The following ADAMTSL1 variants were observed in gnomAD, a reference collection of about 807,000 sequenced individuals.
ADAMTSL1 encodes the protein ADAMTS like 1, also known as ADAMTS-like protein 1.
A neutral mutation model predicts 201.8 loss-of-function variants in ADAMTSL1; 126 were observed. That is an observed-to-expected ratio of 0.62 (90% confidence interval 0.54 to 0.72). ADAMTSL1 has a LOEUF of 0.72. Ranked by LOEUF, ADAMTSL1 falls within the 30% of genes least tolerant of loss-of-function variation. ADAMTSL1 has a pLI of 0.00. For missense variants in ADAMTSL1, 2,679 were observed against 2,277.8 expected (o/e 1.18, Z -3.59); for synonymous variants, 1,121 against 903.4 (o/e 1.24, Z -4.32).
chr9:18,580,489 G>A (rs1295884150), intron 4 of ADAMTSL1, among the ~76,000 whole-genome samples: 3 of 152,088 alleles, frequency 2.0e-5, no homozygotes, highest in Non-Finnish European at 4.4e-5. Flanking sequence ...CCACATGGAA[G>A]CATGGTTTTT....
intron 1 of ADAMTSL1, among the ~76,000 whole-genome samples, chr9:18,046,560 C>T (rs779996525): frequency 4.6e-5 from 7 of 152,066 alleles, no homozygotes; most frequent in Admixed American, 1.3e-4. Context: ...GACCATGTGT[C>T]CAGCTAAAAA....
intron 21 of ADAMTSL1, among the ~76,000 whole-genome samples, chr9:18,821,988 T>C (rs1326711894): frequency 6.6e-6 from 1 of 152,178 alleles, no homozygotes; most frequent in African/African-American, 2.4e-5. Flanking sequence ...CCACCCAGTA[T>C]GACTAAGCTC....
chr9:17,953,127 G>C (rs1827795231), intron 1 of ADAMTSL1, among the ~76,000 whole-genome samples: 1 of 151,616 alleles, frequency 6.6e-6, no homozygotes, highest in Admixed American at 6.6e-5. Context: ...AGAAAGCTTT[G>C]TCACATGACA....
intron 2 of ADAMTSL1, among the ~76,000 whole-genome samples, chr9:18,337,613 G>T (rs1026016655): frequency 6.6e-6 from 1 of 152,070 alleles, no homozygotes; most frequent in South Asian, 2.1e-4. Flanking sequence ...GGCAAAATCG[G>T]GAGTTAGACC....
intron 2 of ADAMTSL1, among the ~76,000 whole-genome samples, chr9:18,512,251 G>A (rs1456742120): frequency 4.6e-5 from 7 of 152,178 alleles, no homozygotes; most frequent in Admixed American, 1.3e-4. Context: ...ATTGTTCCAA[G>A]ATCTGATCTC....
chr9:18,030,456 A>T (rs144098401), intron 1 of ADAMTSL1, among the ~76,000 whole-genome samples: 1,729 of 152,242 alleles, frequency 0.011, 13 homozygotes, highest in Non-Finnish European at 0.018. Flanking sequence ...ATGTTAAATG[A>T]TGAGTTAATG....
At chr9:18,436,615 G>A (rs1365072896) in intron 2 of ADAMTSL1, among the ~76,000 whole-genome samples, 1 of 152,016 alleles carries the variant, frequency 6.6e-6, no homozygotes, top group Admixed American at 6.6e-5. Context: ...AACTGCCCTT[G>A]CCCAGGTCAC....
intron 2 of ADAMTSL1, among the ~76,000 whole-genome samples, chr9:18,458,222 C>T (rs1265994110): frequency 6.6e-6 from 1 of 151,906 alleles, no homozygotes; most frequent in African/African-American, 2.4e-5. Context: ...TTAGTGTGTC[C>T]CACTGGAAGA....
intron 2 of ADAMTSL1, among the ~76,000 whole-genome samples, chr9:18,283,133 G>T (rs1233848537): frequency 6.6e-6 from 1 of 151,874 alleles, no homozygotes. Flanking sequence ...TTGTTGTTAG[G>T]TGCATAAGTT....
At chr9:17,966,258 C>T (rs1263397869) in intron 1 of ADAMTSL1, among the ~76,000 whole-genome samples, 1 of 152,070 alleles carries the variant, frequency 6.6e-6, no homozygotes, top group Non-Finnish European at 1.5e-5. Context: ...ATAGTAAGTG[C>T]TATGTCAGAG....
chr9:18,815,327 A>C (rs961368571), intron 20 of ADAMTSL1, among the ~76,000 whole-genome samples: 4 of 152,038 alleles, frequency 2.6e-5, no homozygotes, highest in African/African-American at 9.7e-5. Flanking sequence ...CAACAGATGA[A>C]TGGATAAAGA....
At chr9:17,933,864 C>T (rs1192563916) in intron 1 of ADAMTSL1, among the ~76,000 whole-genome samples, 1 of 152,110 alleles carries the variant, frequency 6.6e-6, no homozygotes, top group Non-Finnish European at 1.5e-5. Context: ...ACAATTTGAC[C>T]AGAGATTTTG....
chr9:18,264,421 G>A (rs562130847), intron 2 of ADAMTSL1, among the ~76,000 whole-genome samples: 1 of 152,190 alleles, frequency 6.6e-6, no homozygotes, highest in Non-Finnish European at 1.5e-5. Context: ...TAAGCAACTT[G>A]ATACCACGTA....
chr9:18,049,239 T>C (rs1821812224), intron 1 of ADAMTSL1, among the ~76,000 whole-genome samples: 1 of 152,186 alleles, frequency 6.6e-6, no homozygotes, highest in Admixed American at 6.5e-5. Flanking sequence ...GACTCTGACA[T>C]ACCTTGTTGG....
chr9:18,894,843 G>A (rs923280887), intron 26 of ADAMTSL1, among the ~76,000 whole-genome samples: 2 of 152,114 alleles, frequency 1.3e-5, no homozygotes, highest in Admixed American at 6.6e-5. Flanking sequence ...TTAAGAAAAG[G>A]CACAGGACAG....
intron 16 of ADAMTSL1, among the ~76,000 whole-genome samples, chr9:18,767,561 C>T (rs530841291): frequency 2.0e-5 from 3 of 152,204 alleles, no homozygotes; most frequent in Admixed American, 1.3e-4. Flanking sequence ...AAATTTAAAA[C>T]CTTAGTTATC....
chr9:18,684,091 T>C (rs539337149), intron 12 of ADAMTSL1, among the ~76,000 whole-genome samples: 1 of 152,170 alleles, frequency 6.6e-6, no homozygotes, highest in Non-Finnish European at 1.5e-5. Context: ...AACTAGGAAG[T>C]TTGTTTTGAA....
intron 2 of ADAMTSL1, among the ~76,000 whole-genome samples, chr9:18,285,344 A>G (rs114230017): frequency 0.015 from 2,243 of 152,222 alleles, 63 homozygotes; most frequent in African/African-American, 0.052. Context: ...CCTCTGAAAT[A>G]CATACCCCAT....
At chr9:18,212,563 AGTT>A (rs768272959) in intron 2 of ADAMTSL1, among the ~76,000 whole-genome samples, 7 of 152,192 alleles carry the variant, frequency 4.6e-5, no homozygotes, top group South Asian at 2.1e-4. Flanking sequence ...TAGTTTTAAA[AGTT>A]GTTGTTGTAA....
Sources: gnomAD v4.1 joint callset for allele counts (sites outside exome capture counted in the v4.1 genomes callset) on GRCh38, gnomAD v4.1.1 for gene constraint, MANE v1.5 for transcripts, NCBI Gene and HGNC (gene_info 2026-07-23, HGNC 2026-07-21) for gene names.